SENP1: variants seen among roughly 807,000 people sequenced by gnomAD.
SENP1 encodes the protein sentrin-specific protease 1.
Under a neutral mutation model 93.0 loss-of-function variants are expected in SENP1, and 21 were observed. The observed-to-expected ratio is 0.23, with a 90% CI of 0.16 to 0.33. The LOEUF (loss-of-function observed/expected upper bound fraction) is 0.33, where lower values mean the gene tolerates loss of function less well. Ranked by LOEUF, SENP1 falls within the 10% of genes least tolerant of loss-of-function variation. SENP1 has a pLI of 1.00. For missense variants in SENP1, 591 were observed against 758.7 expected, an observed-to-expected ratio of 0.78 and a Z score of 2.60; for synonymous variants, 256 against 259.6, an observed-to-expected ratio of 0.99 and a Z score of 0.13.
chr12:48,051,859 A>G (rs897644633), intron 13 of SENP1, among the ~76,000 whole-genome samples: 1 of 152,246 alleles, frequency 6.6e-6, no homozygotes. Flanking sequence ...AAAGTAGATG[A>G]GTCCTGTGCT....
intron 5 of SENP1, chr12:48,088,527 A>G (rs1945030512): frequency 2.6e-6 from 1 of 384,694 alleles, no homozygotes; most frequent in South Asian, 3.6e-5. Flanking sequence ...AAGATTTGCA[A>G]GAGCCATATT....
chr12:48,062,473 G>T (rs1174828081), intron 13 of SENP1, among the ~76,000 whole-genome samples: 1 of 152,160 alleles, frequency 6.6e-6, no homozygotes, highest in East Asian at 1.9e-4. Context: ...ATTATTCAGG[G>T]AGTGATGAGC....
intron 1 of SENP1, chr12:48,105,662 A>C: frequency 2.3e-6 from 1 of 429,654 alleles, no homozygotes; most frequent in Non-Finnish European, 4.4e-6. Flanking sequence ...AGCTCTCCCC[A>C]GAGAAGACCC....
chr12:48,104,042 C>G (rs1946167046), intron 1 of SENP1, among the ~76,000 whole-genome samples: 2 of 152,000 alleles, frequency 1.3e-5, no homozygotes, highest in Middle Eastern at 6.8e-3. Flanking sequence ...GAAACCCTGT[C>G]TCTACGAAAA....
intron 6 of SENP1, among the ~76,000 whole-genome samples, chr12:48,082,857 T>C (rs553596772): frequency 6.6e-6 from 1 of 152,324 alleles, no homozygotes; most frequent in African/African-American, 2.4e-5. Flanking sequence ...TTCTCTTATA[T>C]TGAAGAAAAA....
chr12:48,057,684 C>A (rs1291586790), intron 13 of SENP1, among the ~76,000 whole-genome samples: 1 of 150,044 alleles, frequency 6.7e-6, no homozygotes, highest in Admixed American at 6.7e-5. Context: ...GATCTCAGCT[C>A]ACTGCAACCT....
At chr12:48,063,058 AAAAT>A (rs1943063239) in intron 13 of SENP1, among the ~76,000 whole-genome samples, 1 of 152,218 alleles carries the variant, frequency 6.6e-6, no homozygotes, top group African/African-American at 2.4e-5. Flanking sequence ...ATAACCTTCT[AAAAT>A]AAAACAGGTA....
chr12:48,062,899 A>G (rs138647352), intron 13 of SENP1, among the ~76,000 whole-genome samples: 62 of 152,346 alleles, frequency 4.1e-4, no homozygotes, highest in African/African-American at 1.4e-3. Flanking sequence ...CAGGATATGG[A>G]TATCTAAAAT....
In SENP1 at chr12:48,104,226, A is replaced by AATAT. The variant is rs757263185; in HGVS notation, c.-45+1798_-45+1801dup. On this transcript the variant is annotated intron_variant, in intron 1 of 17. Coordinates refer to ENST00000549518, the MANE Select transcript of SENP1 (RefSeq NM_001267594.2). ...ACTCTGTCTAAAAAAAGAAGAAAAA[A>AATAT]ATATATATAGAGAGAGAGAGAGAGA... Among the ~76,000 whole-genome samples the AATAT allele has an allele frequency of 2.7e-3, 143 of 53,702 alleles. 2 individuals carry two copies. Among genetic ancestry groups the AATAT allele is most frequent in the Non-Finnish European group, 3.3e-3 (99 of 30,380 alleles). 35.2% of individuals were successfully genotyped at this position (53,702 alleles called of 152,430 possible).
At chr12:48,096,300 C>G in intron 4 of SENP1, 43 bp downstream of exon 4, 1 of 1,129,690 alleles carries the variant, frequency 8.9e-7, no homozygotes, top group South Asian at 1.4e-5. Flanking sequence ...ATCAAGAAAT[C>G]CAAAAGGTAT....
At chr12:48,067,792 G>A (rs898285416) in intron 9 of SENP1, among the ~76,000 whole-genome samples, 2 of 151,644 alleles carry the variant, frequency 1.3e-5, no homozygotes, top group Non-Finnish European at 2.9e-5. Context: ...GGGCAACATA[G>A]TGAGATTCTG....
At chr12:48,095,951 T>C (rs1945529275) in intron 4 of SENP1, among the ~76,000 whole-genome samples, 1 of 152,098 alleles carries the variant, frequency 6.6e-6, no homozygotes, top group South Asian at 2.1e-4. Context: ...AAGAAATAAA[T>C]TTTCAGGTTT....
intron 13 of SENP1, 126 bp from the exon 14 acceptor site, chr12:48,049,258 C>A: frequency 1.4e-6 from 1 of 696,932 alleles, no homozygotes; most frequent in Non-Finnish European, 2.4e-6. Context: ...CTTCAACATC[C>A]AACAGATTCA....
chr12:48,096,335 T>C lies in SENP1; in HGVS notation c.220+8A>G, dbSNP rs777008236. The C allele has an allele frequency of 1.3e-6, 2 of 1,539,060 alleles. No individual in the cohort carries two copies. Among genetic ancestry groups the C allele is most frequent in the Non-Finnish European group, 1.8e-6 (2 of 1,114,180 alleles). The stretch of plus-strand genomic sequence containing the variant: ...TAAAGTCCCTTGACTCCAAGTAATG[T>C]GTCATACCTGAGTAATAGCTTGGAT... On this transcript the variant is annotated splice_region_variant and intron_variant, in intron 4 of 17. Transcript: ENST00000549518.
rs1247176967 is a variant in SENP1, at chr12:48,046,338, A to G, written c.1872+18T>C. ...AGACAAAGTAATCCTAGAGCTCCCT[A>G]TGGAAGGCTCAGCTCACCTGTGTGA... On this transcript the variant is annotated intron_variant, in intron 17 of 17. Transcript: ENST00000549518. 2 of 1,573,400 alleles carry G rather than the reference A, an allele frequency of 1.3e-6. No individual in the cohort carries two copies. Among genetic ancestry groups the G allele is most frequent in the Non-Finnish European group, 8.7e-7 (1 of 1,143,318 alleles).
chr12:48,079,784 CTG>C (rs35792335), intron 6 of SENP1, among the ~76,000 whole-genome samples: 34,444 of 151,974 alleles, frequency 0.23, 4,545 homozygotes, highest in East Asian at 0.55. Flanking sequence ...CACTAGTAAA[CTG>C]TTTTTTTATA....
chr12:48,086,810 G>A (rs1479383373), intron 5 of SENP1, among the ~76,000 whole-genome samples: 2 of 152,174 alleles, frequency 1.3e-5, no homozygotes, highest in Non-Finnish European at 2.9e-5. Context: ...GGAGGCCAAG[G>A]AAGGCAGATC....
At chr12:48,098,213 T>A in intron 2 of SENP1, 89 bp from the exon 3 acceptor site, 1 of 1,336,752 alleles carries the variant, frequency 7.5e-7, no homozygotes, top group East Asian at 2.5e-5. Flanking sequence ...ATAAAAACAA[T>A]TCCCACCCAG....
chr12:48,080,062 T>C (rs1029993643), intron 6 of SENP1: 6 of 151,986 alleles, frequency 3.9e-5, no homozygotes, highest in African/African-American at 1.5e-4. Context: ...GAAAAGAAAC[T>C]ACCTGTGTTT....
Sources: gnomAD v4.1 joint callset for allele counts (sites outside exome capture counted in the v4.1 genomes callset) on GRCh38, gnomAD v4.1.1 for gene constraint, MANE v1.5 for transcripts, NCBI Gene and HGNC (gene_info 2026-07-23, HGNC 2026-07-21) for gene names.